Variants in ATP2B2 observed in about 807,000 individuals in gnomAD.
ATP2B2 encodes the protein plasma membrane calcium-transporting ATPase 2.
ATP2B2 carries 15 observed loss-of-function variants against 120.0 expected under a neutral mutation model. The ratio of observed to expected loss-of-function variants is 0.12; its 90% CI spans 0.08 to 0.19. The LOEUF is 0.19. Among genes scored for constraint, ATP2B2 ranks in the 10% least tolerant of loss-of-function variants. The pLI, the probability that ATP2B2 is intolerant of heterozygous loss-of-function variation, is 1.00. For missense variants in ATP2B2, 1,045 were observed against 1,719.8 expected, an observed-to-expected ratio of 0.61 and a Z score of 6.94; for synonymous variants, 694 against 700.3, an observed-to-expected ratio of 0.99 and a Z score of 0.14.
chr3:10,687,893 C>A (rs376104947), intron 1 of ATP2B2, among the ~76,000 whole-genome samples: 2 of 151,876 alleles, frequency 1.3e-5, no homozygotes, highest in African/African-American at 4.8e-5. Flanking sequence ...ACCATTGGGC[C>A]GCAAGACATC....
rs1360610453 is a variant in ATP2B2 at position 10,375,973 on chromosome 3, C to T, written c.1202-329G>A. Among the ~76,000 whole-genome samples the T allele has an allele frequency of 6.6e-6, 1 of 152,198 alleles. No homozygotes were observed. Among genetic ancestry groups the T allele is most frequent in the Non-Finnish European group, 1.5e-5 (1 of 68,046 alleles). The stretch of plus-strand genomic sequence containing the variant: ...ATAGTAGGTGCTCAAGAGATGTGTG[C>T]CGAGTGACTGTGTGAATAAAGGAGG... On this transcript the variant is annotated intron_variant, in intron 10 of 22. Transcript: ENST00000360273. This position sits in a 1 kb window ranked among gnomAD's most constrained non-coding sequence, Gnocchi z 4.2.
intron 2 of ATP2B2, among the ~76,000 whole-genome samples, chr3:10,437,275 A>G (rs2063507863): frequency 6.6e-6 from 1 of 152,174 alleles, no homozygotes; most frequent in Non-Finnish European, 1.5e-5. Flanking sequence ...AGTAATAGTA[A>G]TAATAATAAT....
At chr3:10,405,851 A>G (rs1338420490) in intron 3 of ATP2B2, among the ~76,000 whole-genome samples, 2 of 152,106 alleles carry the variant, frequency 1.3e-5, no homozygotes, top group East Asian at 3.9e-4. Flanking sequence ...CTAAACACCT[A>G]CTATGTGCCT....
At chr3:10,643,332 G>C (rs2125654649) in intron 1 of ATP2B2, among the ~76,000 whole-genome samples, 1 of 152,336 alleles carries the variant, frequency 6.6e-6, no homozygotes. Flanking sequence ...GATAAACGTG[G>C]AATGCTGGAG....
intron 22 of ATP2B2, chr3:10,332,254 G>C (rs2060000963): frequency 1.8e-6 from 1 of 552,378 alleles, no homozygotes; most frequent in East Asian, 2.8e-5. Flanking sequence ...AATCTGCAGG[G>C]GAAGTGGGAG....
intron 1 of ATP2B2, among the ~76,000 whole-genome samples, chr3:10,706,175 GGAGT>G (rs922229335): frequency 2.4e-4 from 36 of 152,256 alleles, no homozygotes; most frequent in East Asian, 1.5e-3. Flanking sequence ...CAAGGCTTAG[GGAGT>G]GAGTGAGTGA....
chr3:10,703,857 C>T (rs1031573716), intron 1 of ATP2B2, among the ~76,000 whole-genome samples: 5 of 152,256 alleles, frequency 3.3e-5, no homozygotes, highest in African/African-American at 4.8e-5. Context: ...CCAACCGCTT[C>T]CTTTATGGAA....
rs748582045 is a variant in ATP2B2, at chr3:10,350,537, G to A, written c.2177C>T (p.Thr726Met). The A allele has an allele frequency of 1.3e-5, 21 of 1,613,850 alleles. No individual in the cohort carries two copies. The highest frequency in any genetic ancestry group is 5.3e-5 in the African/African-American group (4 of 74,934). The change falls in exon 15 of 23, where the codon ACG (threonine) becomes ATG (methionine). Residue 726 changes from threonine to methionine, a missense_variant. Coordinates refer to ENST00000360273, the MANE Select transcript of ATP2B2 (RefSeq NM_001001331.4). ...ATTGTCGCCAGTGACCATGCGGACC[G>A]TGATGCCTGCCCGCTGGCACTTGCG... ...AIRKCQRAGITVRMVTGDNIN... is the reference protein window; with the variant it reads ...AIRKCQRAGIMVRMVTGDNIN...
chr3:10,475,606 T>G (rs1212765287), intron 1 of ATP2B2, among the ~76,000 whole-genome samples: 7 of 152,208 alleles, frequency 4.6e-5, no homozygotes, highest in Non-Finnish European at 1.0e-4. Context: ...ATCTTTGTGA[T>G]GAGGGATCAC....
At chr3:10,661,367 A>G (rs1227358514) in intron 1 of ATP2B2, among the ~76,000 whole-genome samples, 1 of 152,208 alleles carries the variant, frequency 6.6e-6, no homozygotes, top group Non-Finnish European at 1.5e-5. Flanking sequence ...TCAGCCCAAA[A>G]TCTCCTTAAG....
At chr3:10,360,782 G>A (rs2060874745) in intron 12 of ATP2B2, among the ~76,000 whole-genome samples, 1 of 152,238 alleles carries the variant, frequency 6.6e-6, no homozygotes, top group South Asian at 2.1e-4. Flanking sequence ...GAGCTTGTGT[G>A]TGGGTGTGCG....
At chr3:10,632,824 G>A (rs1018079615) in intron 1 of ATP2B2, among the ~76,000 whole-genome samples, 1 of 152,240 alleles carries the variant, frequency 6.6e-6, no homozygotes, top group Non-Finnish European at 1.5e-5. Context: ...CCTCTTTGTG[G>A]TGACAGCCCC....
rs997580518 is a variant in ATP2B2 at position 10,331,821 on chromosome 3, G to A, written c.3421-2696C>T. The A allele has an allele frequency of 6.9e-5, 42 of 608,514 alleles. 1 individual carries two copies. The highest frequency in any genetic ancestry group is 1.6e-4 in the African/African-American group (9 of 54,764). 37.7% of individuals were successfully genotyped at this position (608,514 alleles called of 1,614,324 possible). A position where few individuals can be genotyped will look rare whatever the true frequency, so the allele number is the denominator to read the frequency against. On this transcript the variant is annotated intron_variant, in intron 22 of 22. Transcript: ENST00000360273. ...TGTTTTGGTTTCGTCAGCACAAAGG[G>A]AACAGGGAGACCCATGCCCGTTGTC...
intron 1 of ATP2B2, among the ~76,000 whole-genome samples, chr3:10,689,763 C>T (rs762970301): frequency 1.3e-4 from 20 of 152,194 alleles, no homozygotes; most frequent in Admixed American, 2.0e-4. Context: ...TACTCCAGCA[C>T]GTGGAGGGAG....
intron 2 of ATP2B2, among the ~76,000 whole-genome samples, chr3:10,443,126 T>C (rs539604582): frequency 6.6e-6 from 1 of 152,342 alleles, no homozygotes; most frequent in East Asian, 1.9e-4. Context: ...GTAGAATCTT[T>C]AGCCATGTTA....
At chr3:10,547,787 G>A (rs987821191) in intron 2 of ATP2B2, among the ~76,000 whole-genome samples, 2 of 152,190 alleles carry the variant, frequency 1.3e-5, no homozygotes, top group African/African-American at 4.8e-5. Context: ...CCCTTGTAAG[G>A]CAAAATCATC....
In ATP2B2 at chr3:10,674,610, A is replaced by T. The variant is rs532331119; in HGVS notation, c.-460+33305T>A. ...ATTTTGCAAATTTTTATTTTTTAACATTTTAGTTCTACAGATTTGCAAGAG... is the reference window on the plus strand; with the variant it reads ...ATTTTGCAAATTTTTATTTTTTAACTTTTTAGTTCTACAGATTTGCAAGAG... On this transcript the variant is annotated intron_variant, in intron 1 of 21. Coordinates refer to the ATP2B2 transcript ENST00000646379. 8.5e-5 allele frequency among the ~76,000 whole-genome samples: 13 copies of T among 152,328 alleles called. No homozygotes were observed. The South Asian group carries it at 2.7e-3, about 32-fold the overall frequency.
chr3:10,706,365 T>C (rs1324987835), intron 1 of ATP2B2, among the ~76,000 whole-genome samples: 1 of 152,202 alleles, frequency 6.6e-6, no homozygotes, highest in East Asian at 1.9e-4. Context: ...GGCCTCTTCC[T>C]GGCGCCATGG....
At chr3:10,695,406 CT>C (rs937607664) in intron 1 of ATP2B2, among the ~76,000 whole-genome samples, 22 of 152,158 alleles carry the variant, frequency 1.4e-4, no homozygotes, top group Non-Finnish European at 2.8e-4. Flanking sequence ...CACCGGGTCC[CT>C]CCCACAACAC....
Sources: allele counts gnomAD v4.1 joint callset (sites outside exome capture counted in the v4.1 genomes callset), GRCh38; gene constraint gnomAD v4.1.1; non-coding constraint Gnocchi (gnomAD v3.1); transcripts MANE v1.5; gene names NCBI Gene and HGNC (gene_info 2026-07-23, HGNC 2026-07-21).